RBFOX1: variants seen among roughly 807,000 people sequenced by gnomAD.
RBFOX1 encodes RNA binding protein fox-1 homolog 1.
RBFOX1 carries 8 observed loss-of-function variants against 57.7 expected under a neutral mutation model. The ratio of observed to expected loss-of-function variants is 0.14; its 90% CI spans 0.08 to 0.25. RBFOX1 has a LOEUF of 0.25. Ranked by LOEUF, RBFOX1 falls within the 10% of genes least tolerant of loss-of-function variation. The pLI, the probability that RBFOX1 is intolerant of heterozygous loss-of-function variation, is 1.00. For synonymous variants in RBFOX1, 326 were observed against 222.4 expected, an observed-to-expected ratio of 1.47 and a Z score of -4.15; for missense variants, 611 against 548.5, an observed-to-expected ratio of 1.11 and a Z score of -1.14.
intron 3 of RBFOX1, among the ~76,000 whole-genome samples, chr16:6,788,798 C>T (rs1287631806): frequency 1.3e-5 from 2 of 151,956 alleles, no homozygotes; most frequent in Non-Finnish European, 2.9e-5. Context: ...TCTGAGGATG[C>T]CTCTGTGATG....
At chr16:5,328,079 G>A (rs2064636704) in intron 1 of RBFOX1, among the ~76,000 whole-genome samples, 1 of 152,168 alleles carries the variant, frequency 6.6e-6, no homozygotes, top group African/African-American at 2.4e-5. Context: ...GGCACCAGGA[G>A]ACGTGGATTT....
intron 5 of RBFOX1, among the ~76,000 whole-genome samples, chr16:7,529,655 A>T (rs1025160556): frequency 6.6e-6 from 1 of 152,058 alleles, no homozygotes; most frequent in Non-Finnish European, 1.5e-5. Context: ...CATTTTTGTT[A>T]TCTGTCCAGC....
At chr16:6,870,030 C>T (rs745595791) in intron 3 of RBFOX1, among the ~76,000 whole-genome samples, 2 of 152,134 alleles carry the variant, frequency 1.3e-5, no homozygotes, top group African/African-American at 4.8e-5. Context: ...GCATATCTAT[C>T]TCTCAGCTGG....
At chr16:7,583,226 C>T (rs1355072977) in intron 6 of RBFOX1, among the ~76,000 whole-genome samples, 2 of 151,508 alleles carry the variant, frequency 1.3e-5, no homozygotes, top group African/African-American at 4.9e-5. Context: ...AAAGCAGAAG[C>T]CATCGTCTTT....
At chr16:5,601,516 A>G (rs2047363343), downstream of RBFOX1, 1 of 152,160 alleles carries the variant, frequency 6.6e-6, no homozygotes, top group African/African-American at 2.4e-5. Context: ...GAATCCTCGG[A>G]AGACTGTGGG....
At chr16:6,895,487 T>TA (rs1567761867) in intron 3 of RBFOX1, among the ~76,000 whole-genome samples, 978 of 84,450 alleles carry the variant, frequency 0.012, 42 homozygotes, top group African/African-American at 0.025. Context: ...TATATATATA[T>TA]TTATTCCCCT....
intron 4 of RBFOX1, among the ~76,000 whole-genome samples, chr16:5,926,826 C>A (rs1237965295): frequency 6.6e-6 from 1 of 152,146 alleles, no homozygotes; most frequent in Non-Finnish European, 1.5e-5. Flanking sequence ...CTGAGTGATT[C>A]CTTTCCTCCT....
chr16:5,544,951 C>CTTTT lies in RBFOX1; in HGVS notation c.259-53911_259-53908dup, dbSNP rs59873374. Among the ~76,000 whole-genome samples, 492 of 124,226 alleles carry CTTTT rather than the reference C, an allele frequency of 4.0e-3. 27 individuals carry two copies. The highest frequency in any genetic ancestry group is 5.1e-3 in the Non-Finnish European group (313 of 60,886). 81.5% of individuals were successfully genotyped at this position (124,226 alleles called of 152,430 possible). On this transcript the variant is annotated intron_variant, in intron 2 of 2. Transcript: ENST00000585867. Reference sequence around the variant, plus strand: ...GTATAGATGGCCTTACTATTACATTCTTTTTTTTTTTTTTTTTTTTTTTTT... The same window carrying CTTTT: ...GTATAGATGGCCTTACTATTACATTCTTTTTTTTTTTTTTTTTTTTTTTTTTTTT...
At chr16:6,893,887 G>A (rs1305846799) in intron 3 of RBFOX1, among the ~76,000 whole-genome samples, 1 of 152,134 alleles carries the variant, frequency 6.6e-6, no homozygotes, top group Non-Finnish European at 1.5e-5. Flanking sequence ...TTGTCTGATA[G>A]GGTCAGCTGT....
At chr16:7,166,263 G>A (rs913789504) in intron 4 of RBFOX1, among the ~76,000 whole-genome samples, 2 of 141,370 alleles carry the variant, frequency 1.4e-5, no homozygotes, top group Non-Finnish European at 3.1e-5. Flanking sequence ...ATCCACCCTT[G>A]TCGGACTTCC....
chr16:6,146,620 A>G (rs1372187812), intron 1 of RBFOX1, among the ~76,000 whole-genome samples: 1 of 152,230 alleles, frequency 6.6e-6, no homozygotes, highest in Non-Finnish European at 1.5e-5. Flanking sequence ...AGTGTAAAAT[A>G]TAAAGTCCTT....
chr16:7,190,463 C>A (rs974619910), intron 4 of RBFOX1, among the ~76,000 whole-genome samples: 1 of 152,066 alleles, frequency 6.6e-6, no homozygotes, highest in Non-Finnish European at 1.5e-5. Flanking sequence ...CACAAATTCC[C>A]AACAGGTATT....
chr16:5,912,153 C>T lies in RBFOX1; in HGVS notation c.351+44818C>T, dbSNP rs76127586. On this transcript the variant is annotated intron_variant, in intron 4 of 19. Coordinates refer to the RBFOX1 transcript ENST00000641259. ...CACACCCATCTCTGCCATTTGCTAA[C>T]GTTTGTGTCTTTGGCTAAGTGACTT... Among the ~76,000 whole-genome samples the T allele has an allele frequency of 1.8e-3, 269 of 152,234 alleles. 1 individual carries two copies. The highest frequency in any genetic ancestry group is 6.1e-3 in the African/African-American group (253 of 41,546).
At chr16:5,825,769 A>G (rs2056018764) in intron 3 of RBFOX1, among the ~76,000 whole-genome samples, 1 of 148,430 alleles carries the variant, frequency 6.7e-6, no homozygotes, top group Non-Finnish European at 1.5e-5. Flanking sequence ...AAGGAATAAT[A>G]TTCCTTAATA....
At chr16:5,732,740 T>G (rs1342657827) in intron 3 of RBFOX1, among the ~76,000 whole-genome samples, 1 of 152,182 alleles carries the variant, frequency 6.6e-6, no homozygotes, top group Non-Finnish European at 1.5e-5. Context: ...ACAAGTCACT[T>G]AAGTGTGAGA....
At chr16:6,539,267 GC>G in intron 2 of RBFOX1, among the ~76,000 whole-genome samples, 1 of 152,224 alleles carries the variant, frequency 6.6e-6, no homozygotes, top group East Asian at 1.9e-4. Context: ...ATAAGCATGG[GC>G]AGGTCCTTCA....
chr16:7,539,447 G>A (rs2082329017), intron 5 of RBFOX1, among the ~76,000 whole-genome samples: 1 of 152,118 alleles, frequency 6.6e-6, no homozygotes, highest in Non-Finnish European at 1.5e-5. Flanking sequence ...CTTGTAGGTG[G>A]AACACGGGAT....
chr16:5,682,334 C>G (rs1596733251), intron 3 of RBFOX1, among the ~76,000 whole-genome samples: 1 of 152,136 alleles, frequency 6.6e-6, no homozygotes, highest in East Asian at 1.9e-4. Context: ...AAAAATTGCA[C>G]AGCTGTGAAA....
chr16:7,079,282 C>T (rs1256028313), intron 4 of RBFOX1, among the ~76,000 whole-genome samples: 2 of 152,126 alleles, frequency 1.3e-5, no homozygotes, highest in Non-Finnish European at 2.9e-5. Flanking sequence ...CTGGAGCTTG[C>T]AAACTGAGGG....
Sources: allele counts gnomAD v4.1 joint callset (sites outside exome capture counted in the v4.1 genomes callset), GRCh38; gene constraint gnomAD v4.1.1; transcripts MANE v1.5; gene names NCBI Gene and HGNC (gene_info 2026-07-23, HGNC 2026-07-21).